Variants in GLIS1 observed in about 807,000 individuals in gnomAD.
The protein encoded by GLIS1 is zinc finger protein GLIS1.
A neutral mutation model predicts 63.8 loss-of-function variants in GLIS1; 24 were observed. The ratio of observed to expected loss-of-function variants is 0.38; its 90% CI spans 0.27 to 0.53. GLIS1 has a LOEUF of 0.53. GLIS1 is among the 20% of genes least tolerant of loss of function. The pLI, the probability that GLIS1 is intolerant of heterozygous loss-of-function variation, is 0.85. For missense variants in GLIS1, 1,036 were observed against 1,074.1 expected (o/e 0.96, Z 0.50); for synonymous variants, 450 against 482.5 (o/e 0.93, Z 0.88).
At chr1:53,573,217 T>C (rs766353329) in intron 4 of GLIS1, among the ~76,000 whole-genome samples, 1 of 152,164 alleles carries the variant, frequency 6.6e-6, no homozygotes, top group Admixed American at 6.5e-5. Context: ...TCCCACACTT[T>C]GGGGATGGAA....
At chr1:53,512,811 G>A (rs1014112753) in intron 8 of GLIS1, among the ~76,000 whole-genome samples, 4 of 151,948 alleles carry the variant, frequency 2.6e-5, no homozygotes, top group Admixed American at 6.6e-5. Flanking sequence ...CCCAAGCAGC[G>A]AACGGCCTTC....
At chr1:53,691,218 T>C (rs1193323650) in intron 2 of GLIS1, among the ~76,000 whole-genome samples, 1 of 152,118 alleles carries the variant, frequency 6.6e-6, no homozygotes. Flanking sequence ...AGATTCAGGC[T>C]AGGGCGCACT....
At chr1:53,585,829 C>T (rs752895519) in intron 4 of GLIS1, among the ~76,000 whole-genome samples, 4 of 152,214 alleles carry the variant, frequency 2.6e-5, no homozygotes, top group African/African-American at 9.7e-5. Context: ...GGCAACAGTG[C>T]CCCTCTGCAG....
At chr1:53,582,337 TAAG>T (rs1645093576) in intron 4 of GLIS1, among the ~76,000 whole-genome samples, 1 of 152,150 alleles carries the variant, frequency 6.6e-6, no homozygotes, top group African/African-American at 2.4e-5. Flanking sequence ...CCCAATGCAC[TAAG>T]AAGGTGTGAC....
chr1:53,690,650 G>A (rs3013769), intron 2 of GLIS1, among the ~76,000 whole-genome samples: 97,699 of 151,362 alleles, frequency 0.65, 33,231 homozygotes, highest in Non-Finnish European at 0.74. Flanking sequence ...AGGCAGGCAG[G>A]GCAGCGATGA....
At chr1:53,610,171 A>G (rs1645411575) in intron 2 of GLIS1, among the ~76,000 whole-genome samples, 1 of 152,238 alleles carries the variant, frequency 6.6e-6, no homozygotes, top group Admixed American at 6.5e-5. Context: ...AATTCTACAT[A>G]TATTTTTAAA....
intron 7 of GLIS1, among the ~76,000 whole-genome samples, chr1:53,515,077 A>G (rs867908657): frequency 3.9e-5 from 3 of 76,364 alleles, no homozygotes; most frequent in Admixed American, 1.7e-4. Flanking sequence ...GTGTGTGTGT[A>G]TATGTGTGTG....
intron 2 of GLIS1, among the ~76,000 whole-genome samples, chr1:53,714,654 C>T (rs1194315648): frequency 3.9e-5 from 6 of 152,218 alleles, no homozygotes; most frequent in Admixed American, 3.3e-4. Flanking sequence ...TTTTTTCCTA[C>T]AAATAGTGGC....
At chr1:53,603,135 G>GT (rs1645335459) in intron 2 of GLIS1, among the ~76,000 whole-genome samples, 1 of 152,104 alleles carries the variant, frequency 6.6e-6, no homozygotes, top group East Asian at 1.9e-4. Flanking sequence ...ACAGTAAAAG[G>GT]TTTTCCTGCA....
At chr1:53,603,063 C>A (rs934552071) in intron 2 of GLIS1, among the ~76,000 whole-genome samples, 1 of 152,192 alleles carries the variant, frequency 6.6e-6, no homozygotes, top group Non-Finnish European at 1.5e-5. Flanking sequence ...ATCACTTCTA[C>A]AGGAAGAAAT....
chr1:53,549,953 A>C (rs1644742147), intron 4 of GLIS1, among the ~76,000 whole-genome samples: 1 of 152,092 alleles, frequency 6.6e-6, no homozygotes, highest in Admixed American at 6.5e-5. Flanking sequence ...GGTCACGCCC[A>C]CCCTTGAGCT....
At chr1:53,697,096 C>A (rs534098551) in intron 2 of GLIS1, among the ~76,000 whole-genome samples, 2 of 152,130 alleles carry the variant, frequency 1.3e-5, no homozygotes, top group African/African-American at 2.4e-5. Context: ...CTCAAGACCA[C>A]GGGAGGGAGC....
chr1:53,727,886 G>A (rs140139186), intron 2 of GLIS1, among the ~76,000 whole-genome samples: 54 of 152,328 alleles, frequency 3.5e-4, no homozygotes, highest in Non-Finnish European at 6.0e-4. Context: ...AGCACCATAA[G>A]ACAGGGCAAG....
chr1:53,625,016 C>T (rs901137118), intron 2 of GLIS1, among the ~76,000 whole-genome samples: 3 of 152,094 alleles, frequency 2.0e-5, no homozygotes, highest in Admixed American at 2.0e-4. Context: ...AACTGGACAC[C>T]CACTGAAGGG....
intron 2 of GLIS1, among the ~76,000 whole-genome samples, chr1:53,709,417 C>CATATAT (rs879357045): frequency 8.1e-6 from 1 of 122,786 alleles, no homozygotes; most frequent in Admixed American, 8.0e-5. Context: ...TATATACACA[C>CATATAT]ACACACACAC....
At chr1:53,513,610 C>T (rs1375313933) in intron 8 of GLIS1, among the ~76,000 whole-genome samples, 1 of 152,224 alleles carries the variant, frequency 6.6e-6, no homozygotes, top group African/African-American at 2.4e-5. Context: ...CTGGGCTCCA[C>T]AGCCCTTCTG....
At chr1:53,615,410 C>T (rs1335346099) in intron 2 of GLIS1, among the ~76,000 whole-genome samples, 1 of 152,204 alleles carries the variant, frequency 6.6e-6, no homozygotes, top group Non-Finnish European at 1.5e-5. Context: ...AAAGGCTGCA[C>T]CACTGCCCGG....
chr1:53,581,883 G>A (rs2100497532), intron 4 of GLIS1, among the ~76,000 whole-genome samples: 1 of 152,188 alleles, frequency 6.6e-6, no homozygotes, highest in Non-Finnish European at 1.5e-5. Flanking sequence ...TCCCTAGGGT[G>A]TGCCAGGAAT....
intron 2 of GLIS1, among the ~76,000 whole-genome samples, chr1:53,706,809 C>T (rs538440092): frequency 1.7e-4 from 26 of 152,266 alleles, no homozygotes; most frequent in African/African-American, 5.1e-4. Flanking sequence ...GCCTCTGACC[C>T]GCAGAGTTTC....
Sources: allele counts gnomAD v4.1 joint callset (sites outside exome capture counted in the v4.1 genomes callset), GRCh38; gene constraint gnomAD v4.1.1; transcripts MANE v1.5; gene names NCBI Gene and HGNC (gene_info 2026-07-23, HGNC 2026-07-21).